TMC3: variants seen among roughly 807,000 people sequenced by gnomAD.
TMC3 encodes transmembrane channel like 3.
TMC3 carries 98 observed loss-of-function variants against 110.6 expected under a neutral mutation model. That is an observed-to-expected ratio of 0.89 (90% CI 0.75 to 1.05). The LOEUF (loss-of-function observed/expected upper bound fraction) is 1.05. TMC3 is among the 50% of genes least tolerant of loss of function. TMC3 has a pLI of 0.00. For missense variants in TMC3, 1,319 were observed against 1,373.2 expected, an observed-to-expected ratio of 0.96 and a Z score of 0.62; for synonymous variants, 489 against 513.1, an observed-to-expected ratio of 0.95 and a Z score of 0.63.
chr15:81,344,745 T>C (rs1343196565), intron 13 of TMC3, 21 bp downstream of exon 13: 1 of 1,611,818 alleles, frequency 6.2e-7, no homozygotes, highest in Non-Finnish European at 8.5e-7. Context: ...GACAGAGCTT[T>C]GTAAGGGTAA....
At chr15:81,351,351 T>C (rs1028013066) in intron 10 of TMC3, among the ~76,000 whole-genome samples, 6 of 144,846 alleles carry the variant, frequency 4.1e-5, no homozygotes, top group South Asian at 2.3e-4. Context: ...TCTCTCTCTT[T>C]TTTTTTTTTT....
intron 12 of TMC3, among the ~76,000 whole-genome samples, chr15:81,345,675 G>A (rs1224364214): frequency 6.6e-6 from 1 of 152,030 alleles, no homozygotes; most frequent in Non-Finnish European, 1.5e-5. Context: ...TTTGAGACCA[G>A]CCTGAGCAAC....
At chr15:81,352,690 C>T (rs1251588223) in intron 9 of TMC3, among the ~76,000 whole-genome samples, 2 of 152,314 alleles carry the variant, frequency 1.3e-5, no homozygotes, top group Middle Eastern at 3.4e-3. Context: ...ATGACACCTC[C>T]GTGCGTGTTA....
rs1283186761 is a variant in TMC3, at chr15:81,332,381, AG to A, written c.*37del. ...CCATGTGCTGGCCCAGCACTCCAAC[AG>A]GGGCCTGACCTCTAGGAACGGGACA... On this transcript the variant is annotated 3_prime_UTR_variant, in exon 22 of 22. Coordinates refer to ENST00000359440, the MANE Select transcript of TMC3 (RefSeq NM_001080532.3). 2 of 1,550,142 alleles carry A rather than the reference AG, an allele frequency of 1.3e-6. No individual in the cohort carries two copies. Among genetic ancestry groups the A allele is most frequent in the Non-Finnish European group, 1.7e-6 (2 of 1,146,036 alleles).
chr15:81,363,389 A>G (rs1267298502), intron 3 of TMC3, among the ~76,000 whole-genome samples: 1 of 152,256 alleles, frequency 6.6e-6, no homozygotes, highest in African/African-American at 2.4e-5. Context: ...TGTGCATTTT[A>G]ACACACAAAC....
intron 3 of TMC3, among the ~76,000 whole-genome samples, chr15:81,367,921 TTTG>T (rs570351001): frequency 1.3e-5 from 2 of 152,080 alleles, no homozygotes; most frequent in African/African-American, 4.8e-5. Flanking sequence ...GTGTGTGTTT[TTTG>T]TTGTTGTTGT....
At chr15:81,345,259 A>C (rs1893802258) in intron 12 of TMC3, among the ~76,000 whole-genome samples, 1 of 152,196 alleles carries the variant, frequency 6.6e-6, no homozygotes, top group Non-Finnish European at 1.5e-5. Context: ...TAGGTAACAC[A>C]TGTTAACTCT....
intron 9 of TMC3, among the ~76,000 whole-genome samples, chr15:81,354,762 C>G (rs1045072305): frequency 2.3e-4 from 35 of 152,294 alleles, no homozygotes; most frequent in African/African-American, 8.2e-4. Flanking sequence ...ACTCTTCCCT[C>G]TACACATGTT....
intron 9 of TMC3, 126 bp from the exon 10 acceptor site, chr15:81,351,967 C>G: frequency 9.0e-7 from 1 of 1,113,618 alleles, no homozygotes; most frequent in Non-Finnish European, 1.3e-6. Flanking sequence ...CCTGAAGCAT[C>G]AATGCACTTC....
chr15:81,336,662 A>C lies in TMC3; in HGVS notation c.2161-11T>G. Reference sequence around the variant, plus strand: ...ATCCTCTGATCTTGCCTAAAATGCAAATGATATGCATGTTTGTTTTGGCTT... The same window carrying C: ...ATCCTCTGATCTTGCCTAAAATGCACATGATATGCATGTTTGTTTTGGCTT... On this transcript the variant is annotated splice_polypyrimidine_tract_variant and intron_variant, in intron 19 of 21. Transcript: ENST00000359440. 1 of 1,613,830 alleles carries C rather than the reference A, an allele frequency of 6.2e-7. No individual in the cohort carries two copies. Among genetic ancestry groups the C allele is most frequent in the Non-Finnish European group, 8.5e-7 (1 of 1,179,768 alleles).
At chr15:81,345,159 C>A (rs1596083209) in intron 12 of TMC3, 148 bp from the exon 13 acceptor site, 1 of 1,363,036 alleles carries the variant, frequency 7.3e-7, no homozygotes, top group East Asian at 2.5e-5. Context: ...CTTTCTAGAC[C>A]ATCACTTGAC....
Position 81,341,434 on chromosome 15 carries a change from C to T in TMC3, c.1800G>A (p.Val600=), listed in dbSNP as rs929405302. The T allele has an allele frequency of 1.7e-5, 28 of 1,611,654 alleles. No homozygotes were observed. In the East Asian group the frequency reaches 6.2e-4, roughly 36 times the overall value. The change falls in exon 16 of 22, where the codon GTG becomes GTA. Residue 600 remains valine (V), a synonymous_variant. Coordinates refer to ENST00000359440, the MANE Select transcript of TMC3 (RefSeq NM_001080532.3). ...GCTGGTGGGGCACATTGCAGGTCAGCACAGCCCAGCTTCTCAGGTACATGA... is the reference window on the plus strand; with the variant it reads ...GCTGGTGGGGCACATTGCAGGTCAGTACAGCCCAGCTTCTCAGGTACATGA... ...IGLMYLRSWA[V]LTCNVPHQQV... is the part of the protein sequence containing the mutation.
At position 81,342,046 on chromosome 15, in the gene TMC3, A is replaced by G. The variant is rs567636377; in HGVS notation, c.1716-528T>C. Among the ~76,000 whole-genome samples, 28 of 152,314 alleles carry G rather than the reference A, an allele frequency of 1.8e-4. 1 individual carries two copies. The highest frequency in any genetic ancestry group is 6.7e-4 in the African/African-American group (28 of 41,564). ...GGGCAGATATGGGGAAACCAAAGAC[A>G]TGTTGCTAAGGCTGACTCTATATCA... On this transcript the variant is annotated intron_variant, in intron 15 of 21. Transcript: ENST00000359440.
intron 14 of TMC3, 46 bp downstream of exon 14, chr15:81,343,871 G>C (rs565687321): frequency 1.3e-6 from 2 of 1,596,598 alleles, no homozygotes; most frequent in South Asian, 2.2e-5. Flanking sequence ...AGAAAGGATG[G>C]ATTTGGCCAT....
intron 5 of TMC3, among the ~76,000 whole-genome samples, chr15:81,358,805 G>T (rs1894122909): frequency 6.6e-6 from 1 of 152,116 alleles, no homozygotes; most frequent in African/African-American, 2.4e-5. Flanking sequence ...TTGAGAAATG[G>T]ATTTTATTTC....
chr15:81,371,889 C>G (rs1432972973), intron 2 of TMC3, among the ~76,000 whole-genome samples: 2 of 152,090 alleles, frequency 1.3e-5, no homozygotes, highest in Non-Finnish European at 1.5e-5. Flanking sequence ...TGGAAACGTG[C>G]TGCAGGAAGT....
intron 11 of TMC3, 138 bp from the exon 12 acceptor site, chr15:81,346,581 C>G: frequency 2.5e-6 from 2 of 799,890 alleles, no homozygotes; most frequent in Non-Finnish European, 4.1e-6. Flanking sequence ...CTAGAATCAC[C>G]TTGCGGGCAT....
chr15:81,373,625 A>G (rs1293396579), intron 1 of TMC3, among the ~76,000 whole-genome samples: 1 of 152,194 alleles, frequency 6.6e-6, no homozygotes, highest in Non-Finnish European at 1.5e-5. Context: ...AGGCTTTTCC[A>G]ATAAACACTT....
chr15:81,346,489 A>G (rs975532461), intron 11 of TMC3, 46 bp from the exon 12 acceptor site: 3 of 1,587,076 alleles, frequency 1.9e-6, no homozygotes, highest in Admixed American at 3.5e-5. Flanking sequence ...ATGGCATAGA[A>G]GTCCGTGGTT....
Sources: gnomAD v4.1 joint callset for allele counts (sites outside exome capture counted in the v4.1 genomes callset) on GRCh38, gnomAD v4.1.1 for gene constraint, MANE v1.5 for transcripts, NCBI Gene and HGNC (gene_info 2026-07-23, HGNC 2026-07-21) for gene names.